The following PTPRM variants were observed in gnomAD, a reference collection of about 807,000 sequenced individuals.
PTPRM encodes protein tyrosine phosphatase receptor type M, also known as receptor-type tyrosine-protein phosphatase mu.
Under a neutral mutation model 186.7 loss-of-function variants are expected in PTPRM, and 47 were observed. The observed-to-expected ratio is 0.25, with a 90% CI of 0.20 to 0.32. The LOEUF is 0.32. Ranked by LOEUF, PTPRM falls within the 10% of genes least tolerant of loss-of-function variation. The probability of loss-of-function intolerance (pLI) is 1.00; values close to 1 mark genes in which losing one functional copy is unlikely to be tolerated. For missense variants in PTPRM, 1,494 were observed against 1,865.0 expected, an observed-to-expected ratio of 0.80 and a Z score of 3.66; for synonymous variants, 668 against 674.9, an observed-to-expected ratio of 0.99 and a Z score of 0.16.
rs566778509 is a variant in PTPRM at position 7,876,513 on chromosome 18, C to T, written c.197-11593C>T. On this transcript the variant is annotated intron_variant, in intron 2 of 32. Transcript: ENST00000580170. ...TGGGGCTGGGCTCAGCTGAATGGTT[C>T]AGCTGATCTGAGCCATGCATGGCTG... 3.9e-5 allele frequency among the ~76,000 whole-genome samples: 6 copies of T among 152,240 alleles called. No homozygotes were observed. The East Asian group carries it at 1.2e-3, about 29-fold the overall frequency.
chr18:7,689,095 G>A (rs1598377853), intron 1 of PTPRM, among the ~76,000 whole-genome samples: 1 of 152,112 alleles, frequency 6.6e-6, no homozygotes, highest in Non-Finnish European at 1.5e-5. Context: ...TAATATGGAA[G>A]GAAAGAGGAT....
chr18:8,080,982 T>C (rs973358114), intron 9 of PTPRM, among the ~76,000 whole-genome samples: 1 of 152,166 alleles, frequency 6.6e-6, no homozygotes, highest in South Asian at 2.1e-4. Flanking sequence ...TCCTAGGTCC[T>C]TTCCTCCCCT....
chr18:7,989,881 T>C (rs960125119), intron 7 of PTPRM, among the ~76,000 whole-genome samples: 2 of 152,124 alleles, frequency 1.3e-5, no homozygotes, highest in African/African-American at 4.8e-5. Flanking sequence ...AGGATGATGT[T>C]TTTGCCTGAC....
At chr18:8,052,804 G>GTA (rs984151667) in intron 7 of PTPRM, among the ~76,000 whole-genome samples, 1 of 152,186 alleles carries the variant, frequency 6.6e-6, no homozygotes, top group African/African-American at 2.4e-5. Flanking sequence ...CATTAATGAT[G>GTA]TATAACACAT....
chr18:8,253,797 C>A (rs1305913629), intron 19 of PTPRM, among the ~76,000 whole-genome samples: 1 of 152,144 alleles, frequency 6.6e-6, no homozygotes, highest in Non-Finnish European at 1.5e-5. Flanking sequence ...AAACTTGTTA[C>A]CAAGAAGTTC....
intron 7 of PTPRM, among the ~76,000 whole-genome samples, chr18:8,005,456 C>A (rs1480489923): frequency 2.6e-5 from 4 of 152,178 alleles, no homozygotes; most frequent in Admixed American, 2.6e-4. Flanking sequence ...TTATCTTTTT[C>A]AAACTACTTT....
At chr18:7,714,828 A>G (rs140874985) in intron 1 of PTPRM, among the ~76,000 whole-genome samples, 99 of 152,352 alleles carry the variant, frequency 6.5e-4, no homozygotes, top group African/African-American at 2.4e-3. Context: ...AAGAAGTCAA[A>G]TCCCTGAATA....
chr18:7,698,708 C>T (rs2039895019), intron 1 of PTPRM, among the ~76,000 whole-genome samples: 1 of 152,138 alleles, frequency 6.6e-6, no homozygotes. Context: ...AAAAATTTTA[C>T]TCCCTCAACA....
chr18:7,802,032 A>G (rs2043997926), intron 2 of PTPRM, among the ~76,000 whole-genome samples: 1 of 152,214 alleles, frequency 6.6e-6, no homozygotes. Context: ...ACATTTAGAA[A>G]TATCCTATGT....
intron 21 of PTPRM, 30 bp downstream of exon 21, chr18:8,314,887 A>G (rs751351829): frequency 8.5e-6 from 12 of 1,413,912 alleles, no homozygotes; most frequent in Middle Eastern, 1.8e-4. Flanking sequence ...TAATTGATAT[A>G]TAATTGTTGT....
At chr18:8,075,362 A>G (rs2089742546) in intron 8 of PTPRM, among the ~76,000 whole-genome samples, 1 of 152,076 alleles carries the variant, frequency 6.6e-6, no homozygotes, top group Non-Finnish European at 1.5e-5. Flanking sequence ...CAGTTTTGAA[A>G]TCAGGATGGG....
intron 23 of PTPRM, chr18:8,366,977 C>T (rs1004346356): frequency 2.0e-5 from 3 of 152,306 alleles, no homozygotes; most frequent in African/African-American, 7.2e-5. Flanking sequence ...TCCTTGGTTC[C>T]TGGGCTCCAA....
chr18:7,680,315 G>A (rs2144565837), intron 1 of PTPRM, among the ~76,000 whole-genome samples: 1 of 152,292 alleles, frequency 6.6e-6, no homozygotes, highest in East Asian at 1.9e-4. Flanking sequence ...TGTGTGAATG[G>A]CGTCTCTGTC....
intron 14 of PTPRM, among the ~76,000 whole-genome samples, chr18:8,197,169 A>G (rs1013109308): frequency 1.3e-5 from 2 of 152,192 alleles, no homozygotes; most frequent in African/African-American, 4.8e-5. Context: ...CATTATAGTC[A>G]TGGTCTTTAT....
At chr18:8,185,741 G>T (rs2093633807) in intron 14 of PTPRM, among the ~76,000 whole-genome samples, 1 of 152,192 alleles carries the variant, frequency 6.6e-6, no homozygotes, top group South Asian at 2.1e-4. Context: ...CAGGCATATG[G>T]AATAGAGTGT....
intron 13 of PTPRM, among the ~76,000 whole-genome samples, chr18:8,128,076 G>C (rs1199222339): frequency 6.6e-6 from 1 of 152,144 alleles, no homozygotes; most frequent in African/African-American, 2.4e-5. Flanking sequence ...AGTGTCAGAA[G>C]CTTCAATTTA....
chr18:7,902,784 C>T (rs2146515796), intron 3 of PTPRM, among the ~76,000 whole-genome samples: 1 of 149,228 alleles, frequency 6.7e-6, no homozygotes, highest in South Asian at 2.1e-4. Context: ...GATGAAAAAA[C>T]AGATCTAGAG....
chr18:7,578,485 G>A (rs543816743), intron 1 of PTPRM, among the ~76,000 whole-genome samples: 35 of 151,978 alleles, frequency 2.3e-4, no homozygotes, highest in Admixed American at 2.0e-3. Context: ...ATAGGCGCCC[G>A]CCACCATGCC....
chr18:7,633,836 T>C (rs1028670771), intron 1 of PTPRM, among the ~76,000 whole-genome samples: 18 of 152,298 alleles, frequency 1.2e-4, no homozygotes, highest in South Asian at 2.1e-4. Context: ...TGATTCTACC[T>C]TCACAGTATT....
Sources: allele counts gnomAD v4.1 joint callset (sites outside exome capture counted in the v4.1 genomes callset), GRCh38; gene constraint gnomAD v4.1.1; transcripts MANE v1.5; gene names NCBI Gene and HGNC (gene_info 2026-07-23, HGNC 2026-07-21).